Variants in NSD2 observed in about 807,000 individuals in gnomAD.
The protein encoded by NSD2 is histone-lysine N-methyltransferase NSD2.
A neutral mutation model predicts 139.0 loss-of-function variants in NSD2; 12 were observed. The ratio of observed to expected loss-of-function variants is 0.09; its 90% CI spans 0.06 to 0.14. The LOEUF (loss-of-function observed/expected upper bound fraction) is 0.14, where lower values mean the gene tolerates loss of function less well. Ranked by LOEUF, NSD2 falls within the 10% of genes least tolerant of loss-of-function variation. The pLI, the probability that NSD2 is intolerant of heterozygous loss-of-function variation, is 1.00. For synonymous variants in NSD2, 669 were observed against 648.7 expected (o/e 1.03, Z -0.48); for missense variants, 1,155 against 1,745.0 (o/e 0.66, Z 6.02).
chr4:1,947,569 A>C (rs991595153), intron 9 of NSD2: 4 of 1,053,134 alleles, frequency 3.8e-6, no homozygotes, highest in African/African-American at 3.3e-5. Context: ...TGAGTGACTT[A>C]TTTTAATTCC....
At chr4:1,877,212 C>T (rs1451114110) in intron 1 of NSD2, among the ~76,000 whole-genome samples, 4 of 152,090 alleles carry the variant, frequency 2.6e-5, no homozygotes, top group Admixed American at 6.6e-5. Flanking sequence ...TGATGGTTTT[C>T]ATATATTTTT....
In NSD2 at chr4:1,980,798, CAG is replaced by C. The variant is rs1175537286; in HGVS notation, c.*1890_*1891del. Reference sequence around the variant, plus strand: ...TCTGAGGGGCACTCGCCGGTTAAGACAGGGTGGGAGTAGTGCTTTCCAGTTCA... The same window carrying C: ...TCTGAGGGGCACTCGCCGGTTAAGACGGTGGGAGTAGTGCTTTCCAGTTCA... On this transcript the variant is annotated 3_prime_UTR_variant, in exon 22 of 22. Coordinates refer to ENST00000508803, the MANE Select transcript of NSD2 (RefSeq NM_001042424.3). 8.6e-6 allele frequency: 2 copies of C among 233,338 alleles called. No homozygotes were observed. The highest frequency in any genetic ancestry group is 1.7e-5 in the Non-Finnish European group (2 of 118,068). The allele number at this position is 233,338 out of a possible 1,614,324, so 14.5% of individuals were successfully genotyped here.
At chr4:1,941,662 A>T (rs1042178604) in intron 9 of NSD2, 1 of 1,043,708 alleles carries the variant, frequency 9.6e-7, no homozygotes, top group Non-Finnish European at 1.2e-6. Context: ...TGATGCATAG[A>T]TCCCATAGTG....
rs10029255 is a variant in NSD2, at chr4:1,977,797, A to G, written c.3827-841A>G. On this transcript the variant is annotated intron_variant, in intron 21 of 21. Transcript: ENST00000508803. ...ACAGAGCAAGACTCCACTCAAAAAA[A>G]AAAAAAACCAAACAAACAAAAAACA... 4.5e-3 allele frequency among the ~76,000 whole-genome samples: 678 copies of G among 151,198 alleles called. 7 individuals carry two copies. Among genetic ancestry groups the G allele is most frequent in the African/African-American group, 0.016 (643 of 41,140 alleles).
At chr4:1,876,329 G>A (rs1329669393) in intron 1 of NSD2, among the ~76,000 whole-genome samples, 1 of 152,184 alleles carries the variant, frequency 6.6e-6, no homozygotes, top group Non-Finnish European at 1.5e-5. Flanking sequence ...AATACTTAGT[G>A]GTTTCAACAA....
intron 5 of NSD2, among the ~76,000 whole-genome samples, chr4:1,925,398 T>C (rs1027705570): frequency 3.7e-5 from 5 of 136,364 alleles, no homozygotes; most frequent in African/African-American, 8.2e-5. Context: ...TCTTTTTTTT[T>C]TTTTTTTTTT....
intron 9 of NSD2, chr4:1,947,070 T>A: frequency 9.4e-7 from 1 of 1,064,250 alleles, no homozygotes. Context: ...ACTGTGCCAG[T>A]GGAAGCAGGT....
At chr4:1,910,871 A>C (rs1018153090) in intron 3 of NSD2, among the ~76,000 whole-genome samples, 5 of 152,166 alleles carry the variant, frequency 3.3e-5, no homozygotes, top group African/African-American at 9.7e-5. Context: ...TGGGAAACTC[A>C]GGCATGGTCA....
intron 3 of NSD2, among the ~76,000 whole-genome samples, chr4:1,915,187 C>G (rs531626945): frequency 1.4e-5 from 2 of 142,098 alleles, no homozygotes; most frequent in Admixed American, 7.5e-5. Flanking sequence ...GCAGTCTCGG[C>G]TCACTGCAAG....
intron 9 of NSD2, chr4:1,945,518 A>G (rs1723534220): frequency 9.4e-7 from 1 of 1,064,542 alleles, no homozygotes; most frequent in Non-Finnish European, 1.1e-6. Context: ...GTGCCTGTGG[A>G]TGTATATAAA....
rs1202219776 is a variant in NSD2 at position 1,948,344 on chromosome 4, A to C, written c.1882-2728A>C. ...ATGTTGTAGACTGAGATTTGGGACT[A>C]TGTTGGGACCGTACAGGTGAATGTG... On this transcript the variant is annotated intron_variant, in intron 9 of 21. Transcript: ENST00000508803. The surrounding 1 kb of genome is among the most constrained non-coding windows in gnomAD (Gnocchi z 4.5). 2 of 1,065,654 alleles carry C rather than the reference A, an allele frequency of 1.9e-6. No individual in the cohort carries two copies. Among genetic ancestry groups the C allele is most frequent in the African/African-American group, 3.3e-5 (2 of 60,976 alleles). 66.0% of individuals were successfully genotyped at this position (1,065,654 alleles called of 1,614,324 possible).
chr4:1,937,385 G>GCAATTGCTTT (rs1722527605), intron 7 of NSD2, among the ~76,000 whole-genome samples: 4 of 152,014 alleles, frequency 2.6e-5, no homozygotes, highest in African/African-American at 4.8e-5. Context: ...GCCCTTTGCT[G>GCAATTGCTTT]GCAATCATAC....
chr4:1,940,651 G>A, intron 9 of NSD2: 1 of 1,061,838 alleles, frequency 9.4e-7, no homozygotes, highest in Non-Finnish European at 1.1e-6. Context: ...TCATGTTTAT[G>A]AGGAGATGAT....
chr4:1,904,137 C>T, intron 2 of NSD2, 79 bp from the exon 3 acceptor site: 1 of 1,487,578 alleles, frequency 6.7e-7, no homozygotes, highest in Non-Finnish European at 9.2e-7. Context: ...GACATTGTAG[C>T]CTGGTGAATC....
At chr4:1,917,095 GTTAAC>G in intron 4 of NSD2, 58 bp downstream of exon 4, 1 of 1,457,368 alleles carries the variant, frequency 6.9e-7, no homozygotes, top group Non-Finnish European at 9.2e-7. Context: ...TATTCTTTAA[GTTAAC>G]TTATTTTTGT....
At chr4:1,932,798 G>A (rs1328453623) in intron 6 of NSD2, among the ~76,000 whole-genome samples, 1 of 152,206 alleles carries the variant, frequency 6.6e-6, no homozygotes, top group Non-Finnish European at 1.5e-5. Context: ...GCTTGTTTCT[G>A]TAAGAAGCGG....
chr4:1,901,327 C>G, intron 2 of NSD2, 76 bp downstream of exon 2: 1 of 1,294,788 alleles, frequency 7.7e-7, no homozygotes, highest in Non-Finnish European at 1.1e-6. Context: ...GGCACCTGCA[C>G]GAGTACTGGG....
intron 9 of NSD2, chr4:1,944,465 T>C (rs1168697479): frequency 9.4e-7 from 1 of 1,065,314 alleles, no homozygotes; most frequent in Non-Finnish European, 1.1e-6. Context: ...TTGTCATACA[T>C]GGAACCATTT....
Position 1,955,486 on chromosome 4 carries a change from C to A in NSD2, c.2518+146C>A. ...TCACGTTAATAGTATATCACAGTAG[C>A]TCTAAATTAATTGTAATCATTTCGC... On this transcript the variant is annotated intron_variant, in intron 13 of 21. Transcript: ENST00000508803. This position sits in a 1 kb window ranked among gnomAD's most constrained non-coding sequence, Gnocchi z 4.7. 1 of 1,244,030 alleles carries A rather than the reference C, an allele frequency of 8.0e-7. No individual in the cohort carries two copies. Among genetic ancestry groups the A allele is most frequent in the Non-Finnish European group, 1.1e-6 (1 of 925,134 alleles). The allele number at this position is 1,244,030 out of a possible 1,614,324, so 77.1% of individuals were successfully genotyped here. A position where few individuals can be genotyped will look rare whatever the true frequency, so the allele number is the denominator to read the frequency against.
Sources: allele counts gnomAD v4.1 joint callset (sites outside exome capture counted in the v4.1 genomes callset), GRCh38; gene constraint gnomAD v4.1.1; non-coding constraint Gnocchi (gnomAD v3.1); transcripts MANE v1.5; gene names NCBI Gene and HGNC (gene_info 2026-07-23, HGNC 2026-07-21).